Variants in PPME1 observed in about 807,000 individuals in gnomAD.
The protein encoded by PPME1 is testicular secretory protein Li 39.
Under a neutral mutation model 56.9 loss-of-function variants are expected in PPME1, and 17 were observed. That is an observed-to-expected ratio of 0.30 (90% CI 0.20 to 0.45). The LOEUF (loss-of-function observed/expected upper bound fraction) is 0.45. Among genes scored for constraint, PPME1 ranks in the 20% least tolerant of loss-of-function variants. The pLI, the probability that PPME1 is intolerant of heterozygous loss-of-function variation, is 1.00. For synonymous variants in PPME1, 122 were observed against 156.2 expected (o/e 0.78, Z 1.63); for missense variants, 357 against 483.2 (o/e 0.74, Z 2.45).
intron 1 of PPME1, among the ~76,000 whole-genome samples, chr11:74,200,957 G>C (rs1426770530): frequency 3.3e-5 from 5 of 151,776 alleles, no homozygotes; most frequent in African/African-American, 1.2e-4. Context: ...CGAGTGGCAG[G>C]AACTACAGGC....
At chr11:74,221,658 T>G (rs886505966) in intron 3 of PPME1, among the ~76,000 whole-genome samples, 3 of 152,200 alleles carry the variant, frequency 2.0e-5, no homozygotes, top group African/African-American at 7.2e-5. Flanking sequence ...TGACATTTGC[T>G]AGCCCTAATT....
chr11:74,176,626 G>A (rs953937133), intron 1 of PPME1, among the ~76,000 whole-genome samples: 3 of 149,388 alleles, frequency 2.0e-5, no homozygotes, highest in African/African-American at 7.4e-5. Flanking sequence ...CTCCCAGCAT[G>A]TATTGCTTCT....
chr11:74,192,673 C>G (rs1215290920), intron 1 of PPME1, among the ~76,000 whole-genome samples: 2 of 152,078 alleles, frequency 1.3e-5, no homozygotes, highest in East Asian at 3.9e-4. Context: ...ATTGCCATCA[C>G]CTTGGTAATG....
chr11:74,225,361 C>T, intron 5 of PPME1, 105 bp downstream of exon 5: 1 of 841,908 alleles, frequency 1.2e-6, no homozygotes. Flanking sequence ...GAATAATTAC[C>T]ACAAGGAAAA....
chr11:74,190,239 G>A (rs1430284137), intron 1 of PPME1, among the ~76,000 whole-genome samples: 1 of 152,192 alleles, frequency 6.6e-6, no homozygotes, highest in Non-Finnish European at 1.5e-5. Context: ...ATCTTACATT[G>A]AAATGTAATC....
intron 1 of PPME1, among the ~76,000 whole-genome samples, chr11:74,176,345 A>AT (rs1440768593): frequency 4.6e-5 from 7 of 152,220 alleles, no homozygotes; most frequent in African/African-American, 1.4e-4. Flanking sequence ...TGAGCTATTC[A>AT]CACAGATGGG....
intron 1 of PPME1, among the ~76,000 whole-genome samples, chr11:74,190,470 C>G (rs1262619873): frequency 6.6e-6 from 1 of 152,222 alleles, no homozygotes; most frequent in Admixed American, 6.5e-5. Context: ...TGATTGTAAG[C>G]TTCTGAAGCC....
intron 3 of PPME1, among the ~76,000 whole-genome samples, chr11:74,218,541 A>G (rs1023350629): frequency 6.6e-6 from 1 of 152,202 alleles, no homozygotes; most frequent in Non-Finnish European, 1.5e-5. Flanking sequence ...TGGTACTGCT[A>G]TAAAGACAGA....
intron 11 of PPME1, chr11:74,249,042 T>G (rs1370584666): frequency 6.6e-6 from 1 of 152,260 alleles, no homozygotes; most frequent in Non-Finnish European, 1.5e-5. Context: ...GCGGGTAGTC[T>G]AACAAATGAT....
At chr11:74,235,480 T>C (rs909101526) in intron 7 of PPME1, among the ~76,000 whole-genome samples, 4 of 152,102 alleles carry the variant, frequency 2.6e-5, no homozygotes, top group African/African-American at 4.8e-5. Context: ...ACCAACCTCT[T>C]TTATTTTCTG....
At chr11:74,172,454 C>T (rs1857284601) in intron 1 of PPME1, among the ~76,000 whole-genome samples, 1 of 152,236 alleles carries the variant, frequency 6.6e-6, no homozygotes, top group Admixed American at 6.5e-5. Flanking sequence ...TTTTGCTGGG[C>T]TAGTAGATCT....
intron 3 of PPME1, among the ~76,000 whole-genome samples, chr11:74,216,378 T>A (rs994914349): frequency 6.6e-6 from 1 of 152,166 alleles, no homozygotes; most frequent in Non-Finnish European, 1.5e-5. Context: ...AAATAAACAC[T>A]ATGCTCCTAA....
chr11:74,211,234 G>A (rs1172529580), intron 3 of PPME1, among the ~76,000 whole-genome samples: 1 of 152,110 alleles, frequency 6.6e-6, no homozygotes, highest in Admixed American at 6.5e-5. Context: ...TATGAATCTA[G>A]CTAAACTGGC....
intron 1 of PPME1, among the ~76,000 whole-genome samples, chr11:74,172,494 T>C (rs910195018): frequency 1.3e-5 from 2 of 152,182 alleles, no homozygotes; most frequent in East Asian, 3.8e-4. Context: ...CCTAAGACTT[T>C]GAATTAGTGA....
intron 1 of PPME1, among the ~76,000 whole-genome samples, chr11:74,202,565 T>C (rs1188485379): frequency 1.3e-5 from 2 of 152,210 alleles, no homozygotes; most frequent in Admixed American, 1.3e-4. Context: ...TACAGGAAGA[T>C]GTCTGGCAAG....
At chr11:74,173,836 C>T (rs957995816) in intron 1 of PPME1, among the ~76,000 whole-genome samples, 1 of 152,208 alleles carries the variant, frequency 6.6e-6, no homozygotes, top group Non-Finnish European at 1.5e-5. Context: ...GCTACTGTGC[C>T]TGGACAACTT....
chr11:74,175,482 CAA>C (rs1208072678), intron 1 of PPME1, among the ~76,000 whole-genome samples: 1 of 151,484 alleles, frequency 6.6e-6, no homozygotes, highest in Non-Finnish European at 1.5e-5. Flanking sequence ...GCCAGGGCAA[CAA>C]GAGCGAAACT....
chr11:74,214,147 A>G (rs912454334), intron 3 of PPME1, among the ~76,000 whole-genome samples: 6 of 152,250 alleles, frequency 3.9e-5, no homozygotes, highest in African/African-American at 1.4e-4. Context: ...AGCAATTGAA[A>G]TAATTAAAAA....
chr11:74,214,383 T>TAG (rs374281138), intron 3 of PPME1, among the ~76,000 whole-genome samples: 4 of 152,076 alleles, frequency 2.6e-5, no homozygotes, highest in African/African-American at 9.7e-5. Flanking sequence ...AAAGAGGAGG[T>TAG]AGAGAGATTG....
Sources: gnomAD v4.1 joint callset for allele counts (sites outside exome capture counted in the v4.1 genomes callset) on GRCh38, gnomAD v4.1.1 for gene constraint, MANE v1.5 for transcripts, NCBI Gene and HGNC (gene_info 2026-07-23, HGNC 2026-07-21) for gene names.